GALNTL6: variants seen among roughly 807,000 people sequenced by gnomAD.
GALNTL6 encodes the protein polypeptide N-acetylgalactosaminyltransferase-like 6.
GALNTL6 carries 46 observed loss-of-function variants against 73.7 expected under a neutral mutation model. That is an observed-to-expected ratio of 0.62 (90% CI 0.49 to 0.80). The LOEUF (loss-of-function observed/expected upper bound fraction) is 0.80. Ranked by LOEUF, GALNTL6 falls within the 30% of genes least tolerant of loss-of-function variation. The pLI is 0.00. For synonymous variants in GALNTL6, 259 were observed against 263.7 expected (o/e 0.98, Z 0.17); for missense variants, 604 against 755.0 (o/e 0.80, Z 2.34).
At position 171,962,514 on chromosome 4, in the gene GALNTL6, C is replaced by T. The variant is rs571139935; in HGVS notation, c.138+147796C>T. Among the ~76,000 whole-genome samples the T allele has an allele frequency of 9.9e-4, 150 of 152,196 alleles. 3 individuals are homozygous for T. Among genetic ancestry groups the T allele is most frequent in the Admixed American group, 4.3e-3 (65 of 15,266 alleles). Reference sequence around the variant, plus strand: ...GCATGCTAAAAGACACTCCTACCAGCGCCATGACAGTTTACAAATGTCACG... The same window carrying T: ...GCATGCTAAAAGACACTCCTACCAGTGCCATGACAGTTTACAAATGTCACG... On this transcript the variant is annotated intron_variant, in intron 2 of 12. Transcript: ENST00000506823.
intron 3 of GALNTL6, among the ~76,000 whole-genome samples, chr4:172,286,959 A>G (rs1442084459): frequency 2.0e-5 from 3 of 152,164 alleles, no homozygotes; most frequent in South Asian, 2.1e-4. Context: ...TAGATGCTCA[A>G]TCTTTCACCC....
chr4:172,380,815 G>A (rs1406913090), intron 5 of GALNTL6, among the ~76,000 whole-genome samples: 1 of 152,082 alleles, frequency 6.6e-6, no homozygotes, highest in African/African-American at 2.4e-5. Flanking sequence ...TATCCTTAAA[G>A]TAATTTCAGT....
intron 5 of GALNTL6, among the ~76,000 whole-genome samples, chr4:172,513,708 G>A (rs1040179798): frequency 3.9e-5 from 6 of 152,144 alleles, no homozygotes; most frequent in African/African-American, 1.4e-4. Flanking sequence ...CAGCGGAGCT[G>A]CCTGGCTCTA....
Position 172,474,441 on chromosome 4 carries a change from A to G in GALNTL6, c.553+125752A>G, listed in dbSNP as rs575091741. On this transcript the variant is annotated intron_variant, in intron 5 of 12. Transcript: ENST00000506823. ...GTAGAATGTAAGCTCTCCAAGGGCAATGTTCCCAAACTGTTTTGCCCATTG... is the reference window on the plus strand; with the variant it reads ...GTAGAATGTAAGCTCTCCAAGGGCAGTGTTCCCAAACTGTTTTGCCCATTG... 3.0e-4 allele frequency among the ~76,000 whole-genome samples: 45 copies of G among 152,316 alleles called. 1 individual carries two copies. The South Asian group carries it at 8.7e-3, about 29-fold the overall frequency.
At chr4:172,453,075 C>T (rs534815972) in intron 5 of GALNTL6, among the ~76,000 whole-genome samples, 1 of 152,234 alleles carries the variant, frequency 6.6e-6, no homozygotes, top group Admixed American at 6.5e-5. Context: ...GTGGTACACA[C>T]CTGTAGTCCC....
At position 172,481,441 on chromosome 4, in the gene GALNTL6, G is replaced by C. The variant is rs556341135; in HGVS notation, c.553+132752G>C. Among the ~76,000 whole-genome samples the C allele has an allele frequency of 2.6e-5, 4 of 151,116 alleles. No individual in the cohort carries two copies. In the South Asian group the frequency reaches 8.4e-4, roughly 32 times the overall value. ...GGACCAGGGTTGTCTCTGTGGGCTT[G>C]GGCAGCCTGCTTTTAGTCCCTTATC... On this transcript the variant is annotated intron_variant, in intron 5 of 12. Transcript: ENST00000506823.
intron 2 of GALNTL6, among the ~76,000 whole-genome samples, chr4:171,890,496 G>A (rs1287751131): frequency 1.3e-5 from 2 of 152,020 alleles, no homozygotes; most frequent in African/African-American, 4.8e-5. Flanking sequence ...TTATAGAAAA[G>A]TTATGTCCTA....
chr4:171,911,223 G>A (rs1301379816), intron 2 of GALNTL6, among the ~76,000 whole-genome samples: 2 of 152,152 alleles, frequency 1.3e-5, no homozygotes, highest in East Asian at 1.9e-4. Context: ...GCATTGGCAC[G>A]ATCCGGGCCC....
chr4:173,022,074 G>A (rs796573539), intron 12 of GALNTL6, among the ~76,000 whole-genome samples: 2,135 of 107,478 alleles, frequency 0.02, 52 homozygotes, highest in South Asian at 0.03. Context: ...AAGGAAGGAA[G>A]GAAGGAAGGA....
At chr4:172,407,062 A>G (rs2111335980) in intron 5 of GALNTL6, among the ~76,000 whole-genome samples, 1 of 152,146 alleles carries the variant, frequency 6.6e-6, no homozygotes, top group South Asian at 2.1e-4. Flanking sequence ...TTTTATTATT[A>G]CATCTCTTAC....
intron 5 of GALNTL6, among the ~76,000 whole-genome samples, chr4:172,805,920 A>T (rs556962456): frequency 8.5e-4 from 130 of 152,246 alleles, no homozygotes; most frequent in African/African-American, 2.6e-3. Flanking sequence ...GATATTTTTT[A>T]AAATCGGAGT....
chr4:172,645,070 A>G (rs1740175766), intron 5 of GALNTL6, among the ~76,000 whole-genome samples: 2 of 152,118 alleles, frequency 1.3e-5, no homozygotes, highest in South Asian at 2.1e-4. Context: ...GATTTGTAGA[A>G]GTACTCTATA....
intron 3 of GALNTL6, among the ~76,000 whole-genome samples, chr4:172,261,572 G>A (rs1467877986): frequency 3.3e-5 from 5 of 150,462 alleles, no homozygotes; most frequent in Admixed American, 2.7e-4. Context: ...TGTTTCATTT[G>A]TCTTGTATTT....
intron 2 of GALNTL6, among the ~76,000 whole-genome samples, chr4:171,900,049 A>G (rs766708111): frequency 2.6e-5 from 4 of 152,266 alleles, no homozygotes; most frequent in East Asian, 1.9e-4. Flanking sequence ...TTATTAAACT[A>G]AATGAGGGTT....
At chr4:172,064,154 G>A (rs1731290278) in intron 2 of GALNTL6, among the ~76,000 whole-genome samples, 1 of 152,080 alleles carries the variant, frequency 6.6e-6, no homozygotes, top group Non-Finnish European at 1.5e-5. Context: ...TCAAATATTG[G>A]CCATATTAAA....
chr4:172,751,332 T>C (rs1737409334), intron 5 of GALNTL6, among the ~76,000 whole-genome samples: 1 of 152,186 alleles, frequency 6.6e-6, no homozygotes, highest in Non-Finnish European at 1.5e-5. Context: ...GAGTTAAGGC[T>C]CAAAGTTAAA....
chr4:172,783,510 CTATT>C (rs974486150), intron 5 of GALNTL6, among the ~76,000 whole-genome samples: 18 of 147,798 alleles, frequency 1.2e-4, no homozygotes, highest in Non-Finnish European at 2.5e-4. Context: ...ATAATATACA[CTATT>C]TAATATAATA....
chr4:172,264,702 A>C (rs1738393242), intron 3 of GALNTL6, among the ~76,000 whole-genome samples: 2 of 149,176 alleles, frequency 1.3e-5, no homozygotes, highest in Admixed American at 1.4e-4. Context: ...AACAGTTTTC[A>C]TATTATCTAG....
intron 2 of GALNTL6, among the ~76,000 whole-genome samples, chr4:171,952,735 C>T (rs533263516): frequency 2.2e-4 from 33 of 152,092 alleles, no homozygotes; most frequent in African/African-American, 7.5e-4. Flanking sequence ...ATGGTGAATG[C>T]CTGATCTAAT....
Sources: gnomAD v4.1 joint callset for allele counts (sites outside exome capture counted in the v4.1 genomes callset) on GRCh38, gnomAD v4.1.1 for gene constraint, MANE v1.5 for transcripts, NCBI Gene and HGNC (gene_info 2026-07-23, HGNC 2026-07-21) for gene names.